Variants in ARHGAP25 observed in about 807,000 individuals in gnomAD.
The protein encoded by ARHGAP25 is Rho GTPase activating protein 25, also known as rho GTPase-activating protein 25.
In ARHGAP25, 34 loss-of-function variants were observed where a neutral mutation model predicts 71.0. The observed-to-expected ratio is 0.48, with a 90% CI of 0.36 to 0.64. The LOEUF (loss-of-function observed/expected upper bound fraction) is 0.64, where lower values mean the gene tolerates loss of function less well. Ranked by LOEUF, ARHGAP25 falls within the 30% of genes least tolerant of loss-of-function variation. The probability of loss-of-function intolerance (pLI) is 0.00; values close to 1 mark genes in which losing one functional copy is unlikely to be tolerated. For synonymous variants in ARHGAP25, 282 were observed against 296.5 expected, an observed-to-expected ratio of 0.95 and a Z score of 0.50; for missense variants, 706 against 805.1, an observed-to-expected ratio of 0.88 and a Z score of 1.49.
At chr2:68,718,179 A>G (rs949408524) in intron 2 of ARHGAP25, among the ~76,000 whole-genome samples, 2 of 152,112 alleles carry the variant, frequency 1.3e-5, no homozygotes, top group African/African-American at 4.8e-5. Flanking sequence ...TTTGCCAATC[A>G]AATGTGTCCC....
chr2:68,809,960 C>T (rs954740590), intron 5 of ARHGAP25, among the ~76,000 whole-genome samples: 13 of 152,120 alleles, frequency 8.5e-5, no homozygotes, highest in African/African-American at 3.1e-4. Flanking sequence ...TAACACACTT[C>T]TCACCCCTAT....
At chr2:68,823,727 T>G (rs1326775494) in intron 10 of ARHGAP25, among the ~76,000 whole-genome samples, 6 of 152,146 alleles carry the variant, frequency 3.9e-5, no homozygotes, top group African/African-American at 1.4e-4. Flanking sequence ...TGGTTTATGC[T>G]TCATTGGCTC....
chr2:68,738,173 A>G (rs1333916101), intron 1 of ARHGAP25, among the ~76,000 whole-genome samples: 2 of 152,202 alleles, frequency 1.3e-5, no homozygotes, highest in Non-Finnish European at 2.9e-5. Context: ...TTTTAGAATC[A>G]TGACAGCCTT....
At chr2:68,728,313 T>TA (rs543431640) in intron 2 of ARHGAP25, among the ~76,000 whole-genome samples, 8 of 151,912 alleles carry the variant, frequency 5.3e-5, no homozygotes, top group African/African-American at 1.7e-4. Context: ...ATGGCTAAAA[T>TA]AAAAAAAGAC....
chr2:68,737,047 T>C (rs1192524503), intron 1 of ARHGAP25, among the ~76,000 whole-genome samples: 2 of 152,102 alleles, frequency 1.3e-5, no homozygotes, highest in African/African-American at 4.8e-5. Context: ...TTAGTATTAC[T>C]TAATGAAAAA....
upstream of ARHGAP25, among the ~76,000 whole-genome samples, chr2:68,734,466 G>C (rs531012901): frequency 6.6e-6 from 1 of 152,160 alleles, no homozygotes; most frequent in Non-Finnish European, 1.5e-5. Context: ...GAGAGCTTGC[G>C]ACATGGTCCT....
chr2:68,802,781 AAC>A (rs1680089798), intron 4 of ARHGAP25, among the ~76,000 whole-genome samples: 1 of 152,066 alleles, frequency 6.6e-6, no homozygotes, highest in African/African-American at 2.4e-5. Flanking sequence ...GATAAAATAA[AAC>A]ACTTTTTTTA....
In ARHGAP25 at chr2:68,826,342, A is replaced by C; in HGVS notation, c.*148A>C. ...ATCAAATTTCCCCATAAATAAATGA[A>C]TGGAGTTTGCAGGAAGGTGAGGGTG... is the stretch of plus-strand genomic sequence containing the variant. On this transcript the variant is annotated 3_prime_UTR_variant, in exon 11 of 11. Transcript: ENST00000409202. The C allele has an allele frequency of 1.3e-6, 1 of 799,508 alleles. No homozygotes were observed. The highest frequency in any genetic ancestry group is 2.7e-5 in the East Asian group (1 of 37,576). The allele number at this position is 799,508 out of a possible 1,614,324, so 49.5% of individuals were successfully genotyped here.
chr2:68,735,387 C>A, intron 1 of ARHGAP25, 127 bp downstream of exon 1: 1 of 998,298 alleles, frequency 1.0e-6, no homozygotes, highest in South Asian at 1.4e-5. Context: ...GTTTGAGGGA[C>A]CATTTGCATT....
At chr2:68,774,821 A>G (rs1469946130) in intron 1 of ARHGAP25, 7 of 1,122,902 alleles carry the variant, frequency 6.2e-6, no homozygotes, top group Non-Finnish European at 7.7e-6. Context: ...AGAGTGAGGC[A>G]TTATTTTCTC....
At chr2:68,742,509 C>G (rs1270996024) in intron 1 of ARHGAP25, among the ~76,000 whole-genome samples, 1 of 152,110 alleles carries the variant, frequency 6.6e-6, no homozygotes, top group Non-Finnish European at 1.5e-5. Flanking sequence ...TGAGTGCAAT[C>G]CTAGTGCTAA....
chr2:68,739,860 T>C (rs1675424305), intron 1 of ARHGAP25, among the ~76,000 whole-genome samples: 1 of 152,184 alleles, frequency 6.6e-6, no homozygotes, highest in African/African-American at 2.4e-5. Context: ...TTACTCATCA[T>C]CCTTTTTCTC....
At chr2:68,727,714 G>A (rs1041173207) in intron 2 of ARHGAP25, among the ~76,000 whole-genome samples, 2 of 152,210 alleles carry the variant, frequency 1.3e-5, no homozygotes, top group Non-Finnish European at 2.9e-5. Flanking sequence ...CATCCGTGAG[G>A]CAGCTGGAAT....
intron 10 of ARHGAP25, among the ~76,000 whole-genome samples, chr2:68,824,612 G>A (rs531549125): frequency 1.0e-3 from 155 of 152,230 alleles, no homozygotes; most frequent in African/African-American, 3.4e-3. Context: ...CATGATGGTG[G>A]GTGCCTGTAG....
At chr2:68,713,262 T>C (rs112291125) in intron 2 of ARHGAP25, among the ~76,000 whole-genome samples, 34,335 of 152,108 alleles carry the variant, frequency 0.23, 4,231 homozygotes, top group East Asian at 0.37. Flanking sequence ...TTTTATTCTC[T>C]GCAGCAATTG....
chr2:68,774,542 C>T (rs1677698191), intron 1 of ARHGAP25, among the ~76,000 whole-genome samples: 1 of 152,222 alleles, frequency 6.6e-6, no homozygotes, highest in Non-Finnish European at 1.5e-5. Flanking sequence ...GCGCCTTGTA[C>T]AGCATAAAGG....
At chr2:68,802,407 CA>C (rs10688959) in intron 4 of ARHGAP25, among the ~76,000 whole-genome samples, 19,781 of 81,276 alleles carry the variant, frequency 0.24, 1,100 homozygotes, top group East Asian at 0.34. Flanking sequence ...GACTCCATCT[CA>C]AAAAAAAAAA....
rs1020474655 is a variant in ARHGAP25 at position 68,767,915 on chromosome 2, G to A, written c.62-7306G>A. 1.3e-5 allele frequency among the ~76,000 whole-genome samples: 2 copies of A among 152,178 alleles called. No individual in the cohort carries two copies. Among genetic ancestry groups the A allele is most frequent in the Non-Finnish European group, 2.9e-5 (2 of 68,026 alleles). On this transcript the variant is annotated intron_variant, in intron 1 of 10. Coordinates refer to ENST00000409202, the MANE Select transcript of ARHGAP25 (RefSeq NM_001007231.3). The surrounding 1 kb of genome is among the most constrained non-coding windows in gnomAD (Gnocchi z 4.6). ...TTCACATGATAGGTTAGGAGTAGTG[G>A]CTTTGTTCCCAGCTCAGTGAAAGGT... is the stretch of plus-strand genomic sequence containing the variant.
At chr2:68,804,870 GT>G (rs1680251922) in intron 4 of ARHGAP25, among the ~76,000 whole-genome samples, 1 of 152,218 alleles carries the variant, frequency 6.6e-6, no homozygotes, top group African/African-American at 2.4e-5. Context: ...TTTGCCAGGG[GT>G]TACACTAGAC....
Sources: gnomAD v4.1 joint callset for allele counts (sites outside exome capture counted in the v4.1 genomes callset) on GRCh38, gnomAD v4.1.1 for gene constraint, Gnocchi (gnomAD v3.1) non-coding constraint, MANE v1.5 for transcripts, NCBI Gene and HGNC (gene_info 2026-07-23, HGNC 2026-07-21) for gene names.